The following TCERG1L variants were observed in gnomAD, a reference collection of about 807,000 sequenced individuals.
TCERG1L encodes transcription elongation regulator 1 like, also known as transcription elongation regulator 1-like protein.
TCERG1L carries 37 observed loss-of-function variants against 56.3 expected under a neutral mutation model. That is an observed-to-expected ratio of 0.66 (90% CI 0.51 to 0.87). The LOEUF (loss-of-function observed/expected upper bound fraction) is 0.87. TCERG1L is among the 40% of genes least tolerant of loss of function. TCERG1L has a pLI of 0.00. For synonymous variants in TCERG1L, 324 were observed against 326.3 expected (o/e 0.99, Z 0.08); for missense variants, 799 against 774.2 (o/e 1.03, Z -0.38).
chr10:131,186,313 C>T (rs563627867), intron 4 of TCERG1L, among the ~76,000 whole-genome samples: 4 of 152,224 alleles, frequency 2.6e-5, no homozygotes, highest in African/African-American at 9.6e-5. Context: ...GGTAATTGCG[C>T]TCAATGCTGC....
At chr10:131,174,138 G>A (rs1846121966) in intron 4 of TCERG1L, among the ~76,000 whole-genome samples, 1 of 152,142 alleles carries the variant, frequency 6.6e-6, no homozygotes, top group African/African-American at 2.4e-5. Flanking sequence ...GCTCCCCTTA[G>A]TGTCTGCTGC....
chr10:131,101,528 C>T (rs185283029), intron 10 of TCERG1L, among the ~76,000 whole-genome samples: 26 of 152,288 alleles, frequency 1.7e-4, no homozygotes, highest in East Asian at 3.9e-4. Flanking sequence ...GCACGTGCCA[C>T]GCACGCCACA....
At chr10:131,106,641 G>T (rs1845353907) in intron 9 of TCERG1L, among the ~76,000 whole-genome samples, 1 of 152,138 alleles carries the variant, frequency 6.6e-6, no homozygotes, top group Admixed American at 6.5e-5. Flanking sequence ...TGAGAGACAG[G>T]AGAGAAGAAA....
At chr10:131,198,486 C>T (rs1290332333) in intron 4 of TCERG1L, among the ~76,000 whole-genome samples, 1 of 152,248 alleles carries the variant, frequency 6.6e-6, no homozygotes, top group African/African-American at 2.4e-5. Flanking sequence ...AGCAAAACAC[C>T]ACCGGCTGAG....
intron 11 of TCERG1L, among the ~76,000 whole-genome samples, chr10:131,097,822 C>G (rs1415653805): frequency 6.6e-6 from 1 of 152,172 alleles, no homozygotes; most frequent in Non-Finnish European, 1.5e-5. Flanking sequence ...ACTCAGTTCA[C>G]TTGTCCGGTG....
At chr10:131,240,090 C>T (rs539329831) in intron 4 of TCERG1L, among the ~76,000 whole-genome samples, 103 of 152,286 alleles carry the variant, frequency 6.8e-4, no homozygotes, top group Non-Finnish European at 1.2e-3. Flanking sequence ...GGGACACGAC[C>T]CCTCCCTTAT....
intron 8 of TCERG1L, among the ~76,000 whole-genome samples, chr10:131,133,103 A>G (rs544319612): frequency 6.6e-6 from 1 of 152,110 alleles, no homozygotes; most frequent in African/African-American, 2.4e-5. Context: ...TGTTTTGTTC[A>G]TGGCTCCATC....
At position 131,228,996 on chromosome 10, in the gene TCERG1L, A is replaced by AT. The variant is rs201500459; in HGVS notation, c.856+31262dup. On this transcript the variant is annotated intron_variant, in intron 4 of 11. Transcript: ENST00000368642. ...TCCGGAGTCTTCCCTCCAGACAGGC[A>AT]TTCCTCAAGGTCTCTGGAGTCTCCA... Among the ~76,000 whole-genome samples the AT allele has an allele frequency of 1.4e-3, 67 of 48,348 alleles. 4 individuals are homozygous for AT. Among genetic ancestry groups the AT allele is most frequent in the African/African-American group, 3.5e-3 (37 of 10,584 alleles). 31.7% of individuals were successfully genotyped at this position (48,348 alleles called of 152,430 possible). A position where few individuals can be genotyped will look rare whatever the true frequency, so the allele number is the denominator to read the frequency against.
intron 3 of TCERG1L, among the ~76,000 whole-genome samples, chr10:131,274,077 T>A (rs1846369116): frequency 6.6e-6 from 1 of 152,158 alleles, no homozygotes; most frequent in South Asian, 2.1e-4. Flanking sequence ...CCGTCGAATG[T>A]CTGCTCAGCG....
At chr10:131,274,883 T>G (rs1453872214) in intron 3 of TCERG1L, among the ~76,000 whole-genome samples, 1 of 152,202 alleles carries the variant, frequency 6.6e-6, no homozygotes, top group East Asian at 1.9e-4. Flanking sequence ...ATCCCAGTTC[T>G]GCAGTTTGGA....
At chr10:131,223,447 G>A (rs537586114) in intron 4 of TCERG1L, among the ~76,000 whole-genome samples, 2 of 152,324 alleles carry the variant, frequency 1.3e-5, no homozygotes, top group Admixed American at 6.5e-5. Flanking sequence ...GACCCATCCT[G>A]ATGATTCAGA....
intron 8 of TCERG1L, among the ~76,000 whole-genome samples, chr10:131,120,830 C>T (rs771510461): frequency 9.8e-5 from 15 of 152,336 alleles, no homozygotes; most frequent in Middle Eastern, 3.4e-3. Flanking sequence ...GCGACCCCTC[C>T]TGCTCCTTCA....
intron 3 of TCERG1L, among the ~76,000 whole-genome samples, chr10:131,284,528 G>A (rs1196680326): frequency 6.6e-6 from 1 of 151,818 alleles, no homozygotes; most frequent in African/African-American, 2.4e-5. Flanking sequence ...TGAAGAAAAT[G>A]GAAGAAAATT....
chr10:131,224,308 G>C (rs755464056), intron 4 of TCERG1L, among the ~76,000 whole-genome samples: 1 of 152,058 alleles, frequency 6.6e-6, no homozygotes, highest in Non-Finnish European at 1.5e-5. Flanking sequence ...GTCCCATTGG[G>C]AGTGCCCTCC....
chr10:131,154,100 A>C (rs932394454), intron 6 of TCERG1L, among the ~76,000 whole-genome samples: 3 of 152,180 alleles, frequency 2.0e-5, no homozygotes, highest in Non-Finnish European at 4.4e-5. Flanking sequence ...CCCCTTCTTT[A>C]ATCACACTGT....
Position 131,260,229 on chromosome 10 carries a change from C to A in TCERG1L, c.856+30G>T, listed in dbSNP as rs747390708. On this transcript the variant is annotated intron_variant, in intron 4 of 11. Transcript: ENST00000368642. The surrounding 1 kb of genome is among the most constrained non-coding windows in gnomAD (Gnocchi z 5.8). Reference sequence around the variant, plus strand: ...CCTCCGCGCGCTCGCTAAGGCAGCACCAGGCGTCGGGACGGCGCTCCGAGC... The same window carrying A: ...CCTCCGCGCGCTCGCTAAGGCAGCAACAGGCGTCGGGACGGCGCTCCGAGC... 1.5e-6 allele frequency: 2 copies of A among 1,345,376 alleles called. No individual in the cohort carries two copies. The highest frequency in any genetic ancestry group is 4.9e-5 in the South Asian group (2 of 40,984). The allele number at this position is 1,345,376 out of a possible 1,614,324, so 83.3% of individuals were successfully genotyped here.
At chr10:131,228,116 G>A (rs976428690) in intron 4 of TCERG1L, among the ~76,000 whole-genome samples, 16 of 151,984 alleles carry the variant, frequency 1.1e-4, no homozygotes, top group South Asian at 6.3e-4. Context: ...CAAGGGCTCC[G>A]GAGTCTCCAC....
At chr10:131,158,995 C>T (rs1845950601) in intron 6 of TCERG1L, among the ~76,000 whole-genome samples, 1 of 152,216 alleles carries the variant, frequency 6.6e-6, no homozygotes, top group South Asian at 2.1e-4. Flanking sequence ...AAGACTCGAC[C>T]CCTGCCCACC....
At chr10:131,219,073 A>G (rs1223189609) in intron 4 of TCERG1L, among the ~76,000 whole-genome samples, 1 of 152,078 alleles carries the variant, frequency 6.6e-6, no homozygotes, top group Admixed American at 6.5e-5. Flanking sequence ...TGGCTCTGCC[A>G]GCAGCTCCAG....
Sources: gnomAD v4.1 joint callset for allele counts (sites outside exome capture counted in the v4.1 genomes callset) on GRCh38, gnomAD v4.1.1 for gene constraint, Gnocchi (gnomAD v3.1) non-coding constraint, MANE v1.5 for transcripts, NCBI Gene and HGNC (gene_info 2026-07-23, HGNC 2026-07-21) for gene names.